Variants in KDM4A observed in about 807,000 individuals in gnomAD.
KDM4A encodes the protein lysine-specific demethylase 4A.
Under a neutral mutation model 127.1 loss-of-function variants are expected in KDM4A, and 23 were observed. The observed-to-expected ratio is 0.18, with a 90% confidence interval of 0.13 to 0.26. KDM4A has a LOEUF of 0.26. Among genes scored for constraint, KDM4A ranks in the 10% least tolerant of loss-of-function variants. KDM4A has a pLI of 1.00. For synonymous variants in KDM4A, 443 were observed against 466.5 expected (o/e 0.95, Z 0.65); for missense variants, 890 against 1,329.1 (o/e 0.67, Z 5.14).
chr1:43,674,213 G>C (rs1424084874), intron 11 of KDM4A, among the ~76,000 whole-genome samples: 1 of 152,170 alleles, frequency 6.6e-6, no homozygotes, highest in Non-Finnish European at 1.5e-5. Flanking sequence ...AAAGTGCCGT[G>C]ATTTCAGGTG....
chr1:43,695,010 G>C lies in KDM4A; in HGVS notation c.2670+116G>C, dbSNP rs1379232089. On this transcript the variant is annotated intron_variant, in intron 18 of 21. Transcript: ENST00000372396. ...CCTCAAGCATTCTGCATTATGAAGAGTGCTAATGAGTTAAGAGATTGAGAG... is the reference window on the plus strand; with the variant it reads ...CCTCAAGCATTCTGCATTATGAAGACTGCTAATGAGTTAAGAGATTGAGAG... The C allele has an allele frequency of 1.0e-5, 10 of 997,028 alleles. No individual in the cohort carries two copies. In the South Asian group the frequency reaches 1.5e-4, roughly 15 times the overall value. The allele number at this position is 997,028 out of a possible 1,614,324, so 61.8% of individuals were successfully genotyped here. A position where few individuals can be genotyped will look rare whatever the true frequency, so the allele number is the denominator to read the frequency against.
chr1:43,685,478 T>A (rs1660951735), intron 12 of KDM4A, among the ~76,000 whole-genome samples: 1 of 151,640 alleles, frequency 6.6e-6, no homozygotes. Context: ...AGTAGAAAGA[T>A]CATGGTATAG....
intron 5 of KDM4A, among the ~76,000 whole-genome samples, chr1:43,663,905 A>C (rs1318921313): frequency 2.0e-5 from 3 of 152,080 alleles, no homozygotes; most frequent in Non-Finnish European, 4.4e-5. Flanking sequence ...AAGTGCTAGG[A>C]TTACAGGCAT....
At position 43,704,400 on chromosome 1, in the gene KDM4A, C is replaced by T; in HGVS notation, c.*30C>T. 1 of 1,603,178 alleles carries T rather than the reference C, an allele frequency of 6.2e-7. No homozygotes were observed. Among genetic ancestry groups the T allele is most frequent in the Non-Finnish European group, 8.5e-7 (1 of 1,175,348 alleles). On this transcript the variant is annotated 3_prime_UTR_variant, in exon 22 of 22. Transcript: ENST00000372396. ...TTCCAGGGTCCAAGGGATTCTCAGC[C>T]ATCCAGGCAAGAGCACTCTGGGTTC...
At chr1:43,680,731 C>T (rs1188600197) in intron 11 of KDM4A, among the ~76,000 whole-genome samples, 1 of 152,262 alleles carries the variant, frequency 6.6e-6, no homozygotes, top group African/African-American at 2.4e-5. Context: ...GTGTCTCTGG[C>T]ATCACATCAC....
intron 18 of KDM4A, among the ~76,000 whole-genome samples, chr1:43,696,654 T>C (rs1238547395): frequency 1.3e-5 from 2 of 152,188 alleles, no homozygotes; most frequent in Non-Finnish European, 1.5e-5. Flanking sequence ...TTGCCCTTAA[T>C]GCAAGTAAAA....
chr1:43,705,337 C>A lies in KDM4A; in HGVS notation c.*967C>A, dbSNP rs1246000113. ...ACTGAAGGGGTTAAACAGGTTTTTGCTCCTCAAGAATTTGTTTGCCTGGGC... is the reference window on the plus strand; with the variant it reads ...ACTGAAGGGGTTAAACAGGTTTTTGATCCTCAAGAATTTGTTTGCCTGGGC... On this transcript the variant is annotated 3_prime_UTR_variant, in exon 22 of 22. Coordinates refer to ENST00000372396, the MANE Select transcript of KDM4A (RefSeq NM_014663.3). 8 of 152,238 alleles carry A rather than the reference C, an allele frequency of 5.3e-5. No homozygotes were observed. Among genetic ancestry groups the A allele is most frequent in the Admixed American group, 6.6e-5 (1 of 15,258 alleles). The allele number at this position is 152,238 out of a possible 1,614,324, so 9.4% of individuals were successfully genotyped here. A position where few individuals can be genotyped will look rare whatever the true frequency, so the allele number is the denominator to read the frequency against.
chr1:43,662,443 A>G (rs1214400574), intron 4 of KDM4A, among the ~76,000 whole-genome samples: 1 of 152,010 alleles, frequency 6.6e-6, no homozygotes, highest in Non-Finnish European at 1.5e-5. Flanking sequence ...CCCCGGCTCT[A>G]CTAAAAATAG....
intron 11 of KDM4A, among the ~76,000 whole-genome samples, chr1:43,678,590 T>G (rs533326256): frequency 4.2e-4 from 62 of 149,114 alleles, no homozygotes; most frequent in Non-Finnish European, 7.5e-4. Context: ...CAGATAGGTT[T>G]TTTTTTTTTT....
At chr1:43,696,520 G>A (rs1661244026) in intron 18 of KDM4A, among the ~76,000 whole-genome samples, 1 of 152,198 alleles carries the variant, frequency 6.6e-6, no homozygotes, top group Non-Finnish European at 1.5e-5. Flanking sequence ...GTGGTCAGGG[G>A]TATGATAGGA....
At chr1:43,682,335 T>C (rs1472120530) in intron 11 of KDM4A, among the ~76,000 whole-genome samples, 1 of 152,208 alleles carries the variant, frequency 6.6e-6, no homozygotes. Context: ...CTAGCCCTTT[T>C]TGTTCACTGT....
chr1:43,669,002 T>A, intron 9 of KDM4A, 98 bp from the exon 10 acceptor site: 1 of 1,266,758 alleles, frequency 7.9e-7, no homozygotes, highest in Non-Finnish European at 1.1e-6. Context: ...TGACAGGCTC[T>A]GGCCATTCAC....
In KDM4A at chr1:43,667,156, T is replaced by C. The variant is rs1027567945; in HGVS notation, c.915+65T>C. On this transcript the variant is annotated intron_variant, in intron 8 of 21. Coordinates refer to ENST00000372396, the MANE Select transcript of KDM4A (RefSeq NM_014663.3). Reference sequence around the variant, plus strand: ...AATGAGCAAATTCTGGTTAGATACGTTGGCTGGTGATTAGAGTATTTCTTT... The same window carrying C: ...AATGAGCAAATTCTGGTTAGATACGCTGGCTGGTGATTAGAGTATTTCTTT... 6 of 1,575,358 alleles carry C rather than the reference T, an allele frequency of 3.8e-6. No individual in the cohort carries two copies. The African/African-American group carries it at 8.1e-5, about 21-fold the overall frequency.
intron 1 of KDM4A, chr1:43,650,563 A>T (rs1660088632): frequency 6.6e-6 from 1 of 151,960 alleles, no homozygotes; most frequent in African/African-American, 2.4e-5. Flanking sequence ...AGGTTCGGGG[A>T]CGGTGGGGAG....
At chr1:43,664,593 T>C (rs1320348856) in intron 5 of KDM4A, among the ~76,000 whole-genome samples, 2 of 152,268 alleles carry the variant, frequency 1.3e-5, no homozygotes, top group East Asian at 3.9e-4. Context: ...CCATGTTCTT[T>C]CTCAGGGGTT....
At chr1:43,681,590 C>G (rs1015150126) in intron 11 of KDM4A, among the ~76,000 whole-genome samples, 1 of 152,188 alleles carries the variant, frequency 6.6e-6, no homozygotes, top group Admixed American at 6.5e-5. Flanking sequence ...AGCCTGTCAC[C>G]TTGGTGGTCC....
intron 20 of KDM4A, 106 bp from the exon 21 acceptor site, chr1:43,703,914 A>T (rs1661474907): frequency 5.4e-6 from 7 of 1,296,092 alleles, no homozygotes; most frequent in Non-Finnish European, 7.7e-6. Context: ...TTGTTATTTT[A>T]GTGTTCTAAC....
intron 3 of KDM4A, among the ~76,000 whole-genome samples, chr1:43,659,353 G>A (rs536487881): frequency 2.3e-4 from 35 of 152,132 alleles, no homozygotes; most frequent in East Asian, 7.7e-4. Flanking sequence ...CTCTATGGCC[G>A]AGGCTGGAGT....
chr1:43,696,361 G>T (rs1474342807), intron 18 of KDM4A, among the ~76,000 whole-genome samples: 1 of 152,236 alleles, frequency 6.6e-6, no homozygotes, highest in Non-Finnish European at 1.5e-5. Flanking sequence ...ATACAAGTTT[G>T]ACAACAGTGT....
Sources: allele counts gnomAD v4.1 joint callset (sites outside exome capture counted in the v4.1 genomes callset), GRCh38; gene constraint gnomAD v4.1.1; transcripts MANE v1.5; gene names NCBI Gene and HGNC (gene_info 2026-07-23, HGNC 2026-07-21).